RAP1GAP2: variants seen among roughly 807,000 people sequenced by gnomAD.
RAP1GAP2 encodes the protein rap1 GTPase-activating protein 2.
RAP1GAP2 carries 27 observed loss-of-function variants against 95.0 expected under a neutral mutation model. The ratio of observed to expected loss-of-function variants is 0.28; its 90% CI spans 0.21 to 0.39. The LOEUF is 0.39. Ranked by LOEUF, RAP1GAP2 falls within the 10% of genes least tolerant of loss-of-function variation. The pLI, the probability that RAP1GAP2 is intolerant of heterozygous loss-of-function variation, is 1.00. For missense variants in RAP1GAP2, 771 were observed against 970.0 expected (o/e 0.79, Z 2.72); for synonymous variants, 373 against 380.9 (o/e 0.98, Z 0.24).
Position 2,825,864 on chromosome 17 carries a change from C to T in RAP1GAP2, c.80+25314C>T, listed in dbSNP as rs542503076. On this transcript the variant is annotated intron_variant, in intron 2 of 24. Transcript: ENST00000254695. The surrounding 1 kb of genome is among the most constrained non-coding windows in gnomAD (Gnocchi z 4.1). ...ATGAGGCAGTGCCAATAGAGATATT[C>T]TTCCTGGTGGAATGAGGGAAGGCTT... Among the ~76,000 whole-genome samples the T allele has an allele frequency of 6.6e-6, 1 of 152,084 alleles. No individual in the cohort carries two copies. The highest frequency in any genetic ancestry group is 1.5e-5 in the Non-Finnish European group (1 of 68,024).
At chr17:2,766,403 C>G (rs1375672243) in intron 1 of RAP1GAP2, among the ~76,000 whole-genome samples, 1 of 151,970 alleles carries the variant, frequency 6.6e-6, no homozygotes, top group Non-Finnish European at 1.5e-5. Flanking sequence ...CTTTGGGAGG[C>G]CAGGTGGGCG....
intron 2 of RAP1GAP2, among the ~76,000 whole-genome samples, chr17:2,861,654 G>A (rs931539122): frequency 2.6e-4 from 40 of 150,978 alleles, no homozygotes; most frequent in African/African-American, 7.3e-5. Context: ...TTTTTTTGGG[G>A]GGGGGGACGG....
chr17:2,921,656 TCAGGGCCGTTAAGGTGTCAG>T (rs1449089161), intron 3 of RAP1GAP2, among the ~76,000 whole-genome samples: 11 of 140,708 alleles, frequency 7.8e-5, no homozygotes, highest in East Asian at 2.1e-4. Flanking sequence ...TTATGTGTCC[TCAGGGCCGTTAAGGTGTCAG>T]CAGGGCCGTT....
At chr17:2,868,516 A>AT (rs71153307) in intron 2 of RAP1GAP2, among the ~76,000 whole-genome samples, 12,648 of 122,776 alleles carry the variant, frequency 0.1, 749 homozygotes, top group East Asian at 0.19. Flanking sequence ...ACCAGGTGCA[A>AT]TTTTTTTTTT....
intron 12 of RAP1GAP2, among the ~76,000 whole-genome samples, chr17:2,992,550 G>A (rs1175510398): frequency 7.2e-5 from 11 of 152,214 alleles, no homozygotes; most frequent in African/African-American, 2.4e-4. Context: ...GGCCAAGACC[G>A]CATTTGGGAT....
upstream of RAP1GAP2, among the ~76,000 whole-genome samples, chr17:2,794,902 G>A (rs1463120899): frequency 3.0e-5 from 2 of 65,672 alleles, no homozygotes; most frequent in Non-Finnish European, 5.8e-5. Context: ...TTGAGATGGA[G>A]TTTTGCTCTT....
At chr17:2,894,876 C>T (rs1407100346) in intron 2 of RAP1GAP2, among the ~76,000 whole-genome samples, 1 of 152,162 alleles carries the variant, frequency 6.6e-6, no homozygotes, top group East Asian at 1.9e-4. Context: ...TCCCCTGGCC[C>T]CTCCCTTCCA....
chr17:2,932,819 AAAAAG>A (rs2043196909), intron 3 of RAP1GAP2, among the ~76,000 whole-genome samples: 1 of 29,800 alleles, frequency 3.4e-5, no homozygotes, highest in African/African-American at 1.2e-4. Flanking sequence ...TCCATCTCAA[AAAAAG>A]AAAAAAAAAA....
intron 17 of RAP1GAP2, 118 bp from the exon 18 acceptor site, chr17:3,017,943 G>A (rs1597885045): frequency 7.1e-6 from 6 of 847,546 alleles, no homozygotes; most frequent in East Asian, 2.9e-5. Context: ...GTGTGTGTGT[G>A]TGTGTATGTG....
chr17:2,917,941 C>T (rs188278848), intron 3 of RAP1GAP2, among the ~76,000 whole-genome samples: 9 of 152,148 alleles, frequency 5.9e-5, no homozygotes, highest in Admixed American at 5.9e-4. Flanking sequence ...GTGTCAAACT[C>T]CTGACCTCAG....
intron 2 of RAP1GAP2, among the ~76,000 whole-genome samples, chr17:2,820,146 C>T (rs1228825740): frequency 1.3e-5 from 2 of 151,878 alleles, no homozygotes; most frequent in African/African-American, 4.8e-5. Flanking sequence ...TTTTGTATCC[C>T]CCATTGATCC....
At chr17:2,820,903 T>TTTTTTTTTTTTTTTTG (rs1567678183) in intron 2 of RAP1GAP2, among the ~76,000 whole-genome samples, 1 of 145,868 alleles carries the variant, frequency 6.9e-6, no homozygotes, top group African/African-American at 2.6e-5. Flanking sequence ...TTTTTTTTTT[T>TTTTTTTTTTTTTTTTG]TTTTTTGTAT....
upstream of RAP1GAP2, among the ~76,000 whole-genome samples, chr17:2,772,107 A>C (rs376497833): frequency 2.1e-3 from 322 of 152,002 alleles, no homozygotes; most frequent in African/African-American, 7.3e-3. Context: ...CTCCTCCCTC[A>C]GCCTCTTGAG....
At chr17:2,987,092 A>C (rs2045582759) in intron 11 of RAP1GAP2, among the ~76,000 whole-genome samples, 1 of 152,162 alleles carries the variant, frequency 6.6e-6, no homozygotes, top group South Asian at 2.1e-4. Flanking sequence ...AGCAATAGAC[A>C]ATAGATAAAT....
intron 8 of RAP1GAP2, among the ~76,000 whole-genome samples, chr17:2,974,699 T>G (rs189916469): frequency 6.6e-6 from 1 of 152,072 alleles, no homozygotes; most frequent in East Asian, 1.9e-4. Flanking sequence ...AAAAGCATAC[T>G]CTGTTGTTGC....
Position 2,830,764 on chromosome 17 carries a change from A to G in RAP1GAP2, c.80+30214A>G, listed in dbSNP as rs557252200. Among the ~76,000 whole-genome samples the G allele has an allele frequency of 6.6e-5, 10 of 152,096 alleles. No homozygotes were observed. The South Asian group carries it at 1.0e-3, about 16-fold the overall frequency. ...CTAAAAAAAAGATTTTGAACAGTAA[A>G]TGTATTTACATGGTTGGTTCTAAAA... On this transcript the variant is annotated intron_variant, in intron 2 of 24. Coordinates refer to ENST00000254695, the MANE Select transcript of RAP1GAP2 (RefSeq NM_015085.5).
At chr17:3,024,387 A>T (rs2047042295) in intron 19 of RAP1GAP2, among the ~76,000 whole-genome samples, 1 of 152,252 alleles carries the variant, frequency 6.6e-6, no homozygotes. Context: ...AAAAAGACAA[A>T]TAGTAACAGA....
intron 1 of RAP1GAP2, among the ~76,000 whole-genome samples, chr17:2,778,804 A>G (rs988012847): frequency 9.2e-5 from 14 of 152,128 alleles, no homozygotes; most frequent in African/African-American, 3.1e-4. Flanking sequence ...GGGCGAGGAC[A>G]TGGGGTTTGA....
intron 8 of RAP1GAP2, among the ~76,000 whole-genome samples, chr17:2,969,538 G>T (rs2044767648): frequency 1.0e-5 from 1 of 98,678 alleles, no homozygotes; most frequent in Non-Finnish European, 1.8e-5. Flanking sequence ...GTCTTGCTCT[G>T]TTGCCCAGGT....
Sources: gnomAD v4.1 joint callset for allele counts (sites outside exome capture counted in the v4.1 genomes callset) on GRCh38, gnomAD v4.1.1 for gene constraint, Gnocchi (gnomAD v3.1) non-coding constraint, MANE v1.5 for transcripts, NCBI Gene and HGNC (gene_info 2026-07-23, HGNC 2026-07-21) for gene names.